The following TMEM59 variants were observed in gnomAD, a reference collection of about 807,000 sequenced individuals.
TMEM59 encodes the protein dendritic cell factor 1.
A neutral mutation model predicts 42.2 loss-of-function variants in TMEM59; 44 were observed. The ratio of observed to expected loss-of-function variants is 1.04; its 90% CI spans 0.82 to 1.34. TMEM59 has a LOEUF of 1.34. Ranked by LOEUF, TMEM59 falls within the 40% of genes most tolerant of loss-of-function variation. The pLI, the probability that TMEM59 is intolerant of heterozygous loss-of-function variation, is 0.00. For missense variants in TMEM59, 359 were observed against 382.8 expected (o/e 0.94, Z 0.52); for synonymous variants, 148 against 145.8 (o/e 1.02, Z -0.11).
In TMEM59 at chr1:54,041,785, G is replaced by A. The variant is rs745709277; in HGVS notation, c.564C>T (p.Tyr188=). 2.5e-5 allele frequency: 41 copies of A among 1,612,684 alleles called. No homozygotes were observed. The highest frequency in any genetic ancestry group is 1.6e-4 in the Middle Eastern group (1 of 6,076). ...TAGGCTCCTGCTCCAAATGTGGTGC[G>A]TACTGGATTTCTGGCTTAGACTAAA... ...VIFQSKPEIQ[Y]APHLEQEPTN... Residue 188 remains tyrosine (Y), a synonymous_variant, in exon 5 of 8, where the codon TAC becomes TAT. Coordinates refer to ENST00000234831, the MANE Select transcript of TMEM59 (RefSeq NM_004872.5).
intron 6 of TMEM59, among the ~76,000 whole-genome samples, chr1:54,039,522 T>C (rs908960438): frequency 2.0e-5 from 3 of 152,236 alleles, no homozygotes; most frequent in African/African-American, 7.2e-5. Context: ...TTAATCCTTG[T>C]TTTCTCACAT....
Position 54,029,801 on chromosome 1 carries a change from CA to C in TMEM59, c.*2348del, listed in dbSNP as rs1387342653. ...TATTTCCCATTATCTCAATCTTTAT[CA>C]CTGTACGTACCCTGACCCTAGACTC... On this transcript the variant is annotated 3_prime_UTR_variant, in exon 8 of 8. Coordinates refer to ENST00000234831, the MANE Select transcript of TMEM59 (RefSeq NM_004872.5). The C allele has an allele frequency of 6.6e-6, 1 of 152,100 alleles. No homozygotes were observed. Among genetic ancestry groups the C allele is most frequent in the Non-Finnish European group, 1.5e-5 (1 of 68,032 alleles). The allele number at this position is 152,100 out of a possible 1,614,324, so 9.4% of individuals were successfully genotyped here.
intron 2 of TMEM59, 110 bp from the exon 3 acceptor site, chr1:54,045,896 C>A: frequency 1.1e-6 from 1 of 943,292 alleles, no homozygotes; most frequent in Non-Finnish European, 1.5e-6. Flanking sequence ...AAGGTTTCAT[C>A]AATGTGAATT....
At chr1:54,041,026 T>A (rs1657120438) in intron 5 of TMEM59, among the ~76,000 whole-genome samples, 189 bp from the exon 6 acceptor site, 1 of 152,184 alleles carries the variant, frequency 6.6e-6, no homozygotes, top group Non-Finnish European at 1.5e-5. Context: ...ACATTATGAG[T>A]TTCCTGTTTT....
At chr1:54,050,123 CTTTT>C (rs112235026) in intron 1 of TMEM59, among the ~76,000 whole-genome samples, 1 of 146,394 alleles carries the variant, frequency 6.8e-6, no homozygotes, top group East Asian at 2.0e-4. Context: ...TCTGAGATTT[CTTTT>C]TTTTTTTTCT....
chr1:54,046,140 T>C (rs565525975), intron 2 of TMEM59, among the ~76,000 whole-genome samples: 1 of 152,362 alleles, frequency 6.6e-6, no homozygotes, highest in Non-Finnish European at 1.5e-5. Context: ...GTGTGTGACC[T>C]GAGCTGAGCA....
At position 54,041,704 on chromosome 1, in the gene TMEM59, C is replaced by G. The variant is rs1346357208; in HGVS notation, c.625+20G>C. 6.3e-7 allele frequency: 1 copy of G among 1,596,200 alleles called. No homozygotes were observed. Among genetic ancestry groups the G allele is most frequent in the Non-Finnish European group, 8.6e-7 (1 of 1,165,422 alleles). On this transcript the variant is annotated intron_variant, in intron 5 of 7. Transcript: ENST00000234831. Reference sequence around the variant, plus strand: ...TTGACTGCTAATGTTTTTATCTAAGCTACTTAAAATAAAACTTACAGGACA... The same window carrying G: ...TTGACTGCTAATGTTTTTATCTAAGGTACTTAAAATAAAACTTACAGGACA...
rs754591328 is a variant in TMEM59 at position 54,041,723 on chromosome 1, C to T, written c.625+1G>A. ...TCTAAGCTACTTAAAATAAAACTTA[C>T]AGGACATTTTGCTTAGAGATGATTC... On this transcript the variant is annotated splice_donor_variant, in intron 5 of 7. Coordinates refer to ENST00000234831, the MANE Select transcript of TMEM59 (RefSeq NM_004872.5). LOFTEE classifies it high-confidence loss of function. 1.2e-6 allele frequency: 2 copies of T among 1,611,816 alleles called. No individual in the cohort carries two copies. The highest frequency in any genetic ancestry group is 2.2e-5 in the South Asian group (2 of 90,850).
chr1:54,050,715 C>G (rs913359941), intron 1 of TMEM59, among the ~76,000 whole-genome samples: 2 of 151,734 alleles, frequency 1.3e-5, no homozygotes, highest in Admixed American at 6.6e-5. Flanking sequence ...CCCGCCACCA[C>G]GACTGGCTAA....
intron 2 of TMEM59, among the ~76,000 whole-genome samples, chr1:54,046,159 T>C (rs1276602340): frequency 3.3e-5 from 5 of 152,192 alleles, no homozygotes; most frequent in Admixed American, 6.6e-5. Flanking sequence ...CAGTTTAACC[T>C]CTGACTATTG....
intron 1 of TMEM59, among the ~76,000 whole-genome samples, chr1:54,050,654 G>A (rs952929286): frequency 3.3e-5 from 5 of 151,380 alleles, no homozygotes; most frequent in Non-Finnish European, 5.9e-5. Flanking sequence ...TGTCTCCCGG[G>A]TTCAGGCGCT....
At position 54,032,119 on chromosome 1, in the gene TMEM59, C is replaced by A. The variant is rs566378222; in HGVS notation, c.*31G>T. On this transcript the variant is annotated 3_prime_UTR_variant, in exon 8 of 8. Transcript: ENST00000234831. The stretch of plus-strand genomic sequence containing the variant: ...CTATGAGGAGTGGAATTTTAGATGT[C>A]TATTACACTTGTCTTTTAAAAGAAA... The A allele has an allele frequency of 4.3e-5, 68 of 1,595,170 alleles. No individual in the cohort carries two copies. The African/African-American group carries it at 8.9e-4, about 21-fold the overall frequency.
chr1:54,036,677 A>C lies in TMEM59; in HGVS notation c.749T>G (p.Val250Gly). Residue 250 changes from valine (V) to glycine (G), a missense_variant, in exon 7 of 8, where the codon GTG (valine) becomes GGG (glycine). By Grantham distance (109) the Val-to-Gly change is moderately radical. Transcript: ENST00000234831. Reference protein sequence around the residue: ...WILTTTLVLSVMVLLWICCAT... With the variant: ...WILTTTLVLSGMVLLWICCAT... ...ACAACAAATCCAAAGCAATACCATC[A>C]CCGAGAGGACAAGAGTTGTAGTTAA... The C allele has an allele frequency of 6.2e-7, 1 of 1,611,922 alleles. No individual in the cohort carries two copies. The highest frequency in any genetic ancestry group is 8.5e-7 in the Non-Finnish European group (1 of 1,178,960).
chr1:54,041,500 A>G (rs1657135366), intron 5 of TMEM59, among the ~76,000 whole-genome samples: 1 of 152,220 alleles, frequency 6.6e-6, no homozygotes, highest in South Asian at 2.1e-4. Context: ...ACAAATTCTC[A>G]GATCTTCTCC....
At position 54,032,009 on chromosome 1, in the gene TMEM59, A is replaced by T; in HGVS notation, c.*141T>A. ...CAATACCAATAAAGTTATAGCAAAT[A>T]CAGTCTTCACAGATTTGAGTAACTT... On this transcript the variant is annotated 3_prime_UTR_variant, in exon 8 of 8. Transcript: ENST00000234831. 1.5e-6 allele frequency: 1 copy of T among 656,590 alleles called. No individual in the cohort carries two copies. Among genetic ancestry groups the T allele is most frequent in the Non-Finnish European group, 2.3e-6 (1 of 437,664 alleles). The allele number at this position is 656,590 out of a possible 1,614,324, so 40.7% of individuals were successfully genotyped here. A position where few individuals can be genotyped will look rare whatever the true frequency, so the allele number is the denominator to read the frequency against.
chr1:54,038,537 G>T (rs1657030536), intron 6 of TMEM59, among the ~76,000 whole-genome samples: 1 of 152,196 alleles, frequency 6.6e-6, no homozygotes, highest in Non-Finnish European at 1.5e-5. Context: ...AAGAAAGAGT[G>T]ACCTCAATTT....
At chr1:54,045,596 A>T (rs766464982) in intron 3 of TMEM59, 96 bp downstream of exon 3, 1 of 1,185,360 alleles carries the variant, frequency 8.4e-7, no homozygotes, top group South Asian at 1.4e-5. Context: ...ATAAAATATA[A>T]CACTAAAATA....
chr1:54,040,668 G>A, intron 6 of TMEM59, 88 bp downstream of exon 6: 2 of 986,836 alleles, frequency 2.0e-6, no homozygotes, highest in Non-Finnish European at 3.1e-6. Flanking sequence ...CTTTTGAGGT[G>A]CTAATTTTAA....
At chr1:54,050,866 TTTA>T (rs894879580) in intron 1 of TMEM59, among the ~76,000 whole-genome samples, 8 of 146,302 alleles carry the variant, frequency 5.5e-5, no homozygotes, top group African/African-American at 1.8e-4. Flanking sequence ...CCGGCATTTT[TTTA>T]TTTTTATTTT....
Sources: gnomAD v4.1 joint callset for allele counts (sites outside exome capture counted in the v4.1 genomes callset) on GRCh38, gnomAD v4.1.1 for gene constraint, MANE v1.5 for transcripts, NCBI Gene and HGNC (gene_info 2026-07-23, HGNC 2026-07-21) for gene names.